DOCK7: variants seen among roughly 807,000 people sequenced by gnomAD.
DOCK7 encodes the protein dedicator of cytokinesis protein 7.
A neutral mutation model predicts 271.0 loss-of-function variants in DOCK7; 138 were observed. The ratio of observed to expected loss-of-function variants is 0.51; its 90% CI spans 0.44 to 0.59. The LOEUF (loss-of-function observed/expected upper bound fraction) is 0.59. Among genes scored for constraint, DOCK7 ranks in the 20% least tolerant of loss-of-function variants. The pLI is 0.00. For synonymous variants in DOCK7, 823 were observed against 876.1 expected, an observed-to-expected ratio of 0.94 and a Z score of 1.07; for missense variants, 2,066 against 2,592.4, an observed-to-expected ratio of 0.80 and a Z score of 4.41.
intron 14 of DOCK7, among the ~76,000 whole-genome samples, chr1:62,593,098 T>C (rs879833134): frequency 6.6e-6 from 1 of 152,090 alleles, no homozygotes; most frequent in Non-Finnish European, 1.5e-5. Flanking sequence ...ACTAAGATCC[T>C]GAATGATATA....
At chr1:62,602,363 GT>G (rs1421712253) in intron 14 of DOCK7, 1 of 1,610,726 alleles carries the variant, frequency 6.2e-7, no homozygotes, top group Non-Finnish European at 8.5e-7. Context: ...TACAAATATG[GT>G]TTTGGGAGGC....
At chr1:62,500,111 A>T (rs1646739522) in intron 37 of DOCK7, among the ~76,000 whole-genome samples, 1 of 152,182 alleles carries the variant, frequency 6.6e-6, no homozygotes, top group Admixed American at 6.5e-5. Flanking sequence ...TCCTATGTTG[A>T]GTAGTAAAAA....
intron 14 of DOCK7, among the ~76,000 whole-genome samples, chr1:62,594,047 T>C (rs1049292439): frequency 2.6e-5 from 4 of 152,182 alleles, no homozygotes; most frequent in Non-Finnish European, 4.4e-5. Flanking sequence ...GAAATTTTTA[T>C]ATTGGTTCCT....
chr1:62,567,910 T>C (rs960371175), intron 18 of DOCK7, among the ~76,000 whole-genome samples: 1 of 152,120 alleles, frequency 6.6e-6, no homozygotes, highest in South Asian at 2.1e-4. Context: ...GTGGACCTGA[T>C]AGATATCTAC....
At chr1:62,522,029 A>G (rs1392372340) in intron 31 of DOCK7, among the ~76,000 whole-genome samples, 1 of 152,068 alleles carries the variant, frequency 6.6e-6, no homozygotes, top group Non-Finnish European at 1.5e-5. Context: ...ATGTAAGAAG[A>G]AACAAAAAAC....
chr1:62,587,104 C>G (rs1036097849), intron 14 of DOCK7, among the ~76,000 whole-genome samples: 1 of 151,710 alleles, frequency 6.6e-6, no homozygotes, highest in Non-Finnish European at 1.5e-5. Context: ...GTATAATATT[C>G]CACATTATTT....
rs1302809905 is a variant in DOCK7, at chr1:62,539,666, A to G, written c.3187-8T>C. On this transcript the variant is annotated splice_polypyrimidine_tract_variant and splice_region_variant and intron_variant, in intron 26 of 49. Transcript: ENST00000635253. ...CTCAACCATTTCTGTGTCCTGTGAA[A>G]CAGAATATAAAACAAAAACAAATTA... The G allele has an allele frequency of 2.5e-6, 4 of 1,611,592 alleles. No homozygotes were observed. The highest frequency in any genetic ancestry group is 3.4e-6 in the Non-Finnish European group (4 of 1,179,358).
intron 12 of DOCK7, among the ~76,000 whole-genome samples, chr1:62,623,850 C>T (rs1653589660): frequency 6.6e-6 from 1 of 152,130 alleles, no homozygotes; most frequent in Non-Finnish European, 1.5e-5. Flanking sequence ...ATGAATACTA[C>T]TGATATGTAA....
chr1:62,631,885 A>G (rs150846199), intron 10 of DOCK7, among the ~76,000 whole-genome samples: 2 of 152,366 alleles, frequency 1.3e-5, no homozygotes, highest in East Asian at 3.9e-4. Flanking sequence ...AAACAAGCTC[A>G]GAGTTGTAAC....
intron 43 of DOCK7, chr1:62,478,214 T>A (rs139685191): frequency 7.8e-4 from 123 of 156,926 alleles, no homozygotes; most frequent in African/African-American, 2.7e-3. Flanking sequence ...GCATACTAGG[T>A]CAAGTTAAAT....
At chr1:62,597,273 C>A (rs1292939276) in intron 14 of DOCK7, among the ~76,000 whole-genome samples, 2 of 152,228 alleles carry the variant, frequency 1.3e-5, no homozygotes, top group Non-Finnish European at 2.9e-5. Flanking sequence ...CTTTTAAAAA[C>A]AGGTAGTCAC....
intron 48 of DOCK7, among the ~76,000 whole-genome samples, chr1:62,472,224 C>T (rs922033824): frequency 6.6e-6 from 1 of 152,100 alleles, no homozygotes; most frequent in Non-Finnish European, 1.5e-5. Context: ...TCTGCCTCAG[C>T]CTCCCAAGTA....
At chr1:62,516,015 G>C (rs1254208943) in intron 31 of DOCK7, among the ~76,000 whole-genome samples, 3 of 152,030 alleles carry the variant, frequency 2.0e-5, no homozygotes, top group African/African-American at 4.8e-5. Context: ...TGAGACAACT[G>C]ATCTTCCTTG....
chr1:62,624,378 T>C (rs1653671011), intron 12 of DOCK7, among the ~76,000 whole-genome samples: 1 of 152,192 alleles, frequency 6.6e-6, no homozygotes, highest in South Asian at 2.1e-4. Context: ...TTAAGAATCA[T>C]GACTGGCATT....
chr1:62,613,852 C>T (rs1165726471), intron 14 of DOCK7, among the ~76,000 whole-genome samples: 2 of 151,994 alleles, frequency 1.3e-5, no homozygotes, highest in South Asian at 4.1e-4. Flanking sequence ...ATGAACAATG[C>T]TTAAATTCCT....
chr1:62,580,987 C>T lies in DOCK7; in HGVS notation c.1872-2021G>A, dbSNP rs114158844. ...TTGTAACATGACTTACTGCCTATGG[C>T]TGTTTTTGCACTATAATGGCATAGA... On this transcript the variant is annotated intron_variant, in intron 16 of 49. Coordinates refer to ENST00000635253, the MANE Select transcript of DOCK7 (RefSeq NM_001367561.1). Among the ~76,000 whole-genome samples the T allele has an allele frequency of 5.8e-3, 890 of 152,274 alleles. 12 individuals carry two copies. Among genetic ancestry groups the T allele is most frequent in the African/African-American group, 0.021 (854 of 41,550 alleles).
chr1:62,547,591 G>A (rs1248705770), intron 22 of DOCK7, among the ~76,000 whole-genome samples: 1 of 152,116 alleles, frequency 6.6e-6, no homozygotes, highest in East Asian at 1.9e-4. Context: ...TAAGCTCTCA[G>A]TGTTTGAGAA....
rs561828136 is a variant in DOCK7 at position 62,591,038 on chromosome 1, A to G, written c.1683-4414T>C. 1.2e-4 allele frequency among the ~76,000 whole-genome samples: 18 copies of G among 152,298 alleles called. No individual in the cohort carries two copies. The South Asian group carries it at 3.7e-3, about 32-fold the overall frequency. ...CATGCTACTATAAAGACATATGCACATGAATGTTCACTGCAGCACTATTCA... is the reference window on the plus strand; with the variant it reads ...CATGCTACTATAAAGACATATGCACGTGAATGTTCACTGCAGCACTATTCA... On this transcript the variant is annotated intron_variant, in intron 14 of 49. Coordinates refer to ENST00000635253, the MANE Select transcript of DOCK7 (RefSeq NM_001367561.1).
intron 14 of DOCK7, among the ~76,000 whole-genome samples, chr1:62,600,693 G>C (rs1483961332): frequency 1.3e-5 from 2 of 151,532 alleles, no homozygotes; most frequent in Non-Finnish European, 3.0e-5. Flanking sequence ...CTTTATCACA[G>C]GTCTGAAGAT....
Sources: allele counts gnomAD v4.1 joint callset (sites outside exome capture counted in the v4.1 genomes callset), GRCh38; gene constraint gnomAD v4.1.1; transcripts MANE v1.5; gene names NCBI Gene and HGNC (gene_info 2026-07-23, HGNC 2026-07-21).